Variants in BBS5 observed in about 807,000 individuals in gnomAD.
The protein encoded by BBS5 is Bardet-Biedl syndrome 5.
In BBS5, 39 loss-of-function variants were observed where a neutral mutation model predicts 50.2. That is an observed-to-expected ratio of 0.78 (90% CI 0.60 to 1.01). The LOEUF (loss-of-function observed/expected upper bound fraction) is 1.01. Among genes scored for constraint, BBS5 ranks in the 50% least tolerant of loss-of-function variants. The pLI is 0.00. For missense variants in BBS5, 356 were observed against 401.5 expected (o/e 0.89, Z 0.97); for synonymous variants, 134 against 133.1 (o/e 1.01, Z -0.05).
At chr2:169,489,793 C>T (rs1329654817) in intron 5 of BBS5, among the ~76,000 whole-genome samples, 1 of 145,954 alleles carries the variant, frequency 6.9e-6, no homozygotes, top group Non-Finnish European at 1.5e-5. Flanking sequence ...CTTGTATTTA[C>T]CAGTGAGGTT....
At position 169,504,634 on chromosome 2, in the gene BBS5, T is replaced by C. The variant is rs1683869043; in HGVS notation, c.*52T>C. The stretch of plus-strand genomic sequence containing the variant: ...ATTAAAGATATCTCTAGTTTAAAGA[T>C]ACTAGTCACCTGCCATAAGTCATGG... On this transcript the variant is annotated 3_prime_UTR_variant, in exon 12 of 12. Transcript: ENST00000295240. 1.0e-5 allele frequency: 14 copies of C among 1,346,968 alleles called. No individual in the cohort carries two copies. The highest frequency in any genetic ancestry group is 1.5e-5 in the Non-Finnish European group (14 of 936,428). 83.4% of individuals were successfully genotyped at this position (1,346,968 alleles called of 1,614,324 possible). A position where few individuals can be genotyped will look rare whatever the true frequency, so the allele number is the denominator to read the frequency against.
At chr2:169,484,005 C>T (rs563493706) in intron 2 of BBS5, among the ~76,000 whole-genome samples, 14 of 152,258 alleles carry the variant, frequency 9.2e-5, no homozygotes, top group African/African-American at 2.4e-4. Flanking sequence ...ATTCATTGAG[C>T]GCAGAATCCT....
rs1192870285 is a variant in BBS5 at position 169,479,550 on chromosome 2, CA to C, written c.-3del. On this transcript the variant is annotated 5_prime_UTR_variant, in exon 1 of 12. Transcript: ENST00000295240. ...GAGAGATCCTGCCACGGGCCTTGTT[CA>C]CCATGTCGGTGCTGGATGCGCTTTG... is the stretch of plus-strand genomic sequence containing the variant. 3.1e-6 allele frequency: 5 copies of C among 1,614,050 alleles called. No homozygotes were observed. The African/African-American group carries it at 6.7e-5, about 22-fold the overall frequency.
intron 9 of BBS5, among the ~76,000 whole-genome samples, chr2:169,502,480 T>G (rs1251119473): frequency 6.6e-6 from 1 of 152,206 alleles, no homozygotes; most frequent in Admixed American, 6.5e-5. Flanking sequence ...AAATGGCAGT[T>G]TCTTTTGGTT....
In BBS5 at chr2:169,505,294, T is replaced by A. The variant is rs896654857; in HGVS notation, c.*712T>A. 2.6e-6 allele frequency: 1 copy of A among 388,368 alleles called. No homozygotes were observed. Among genetic ancestry groups the A allele is most frequent in the African/African-American group, 2.1e-5 (1 of 47,634 alleles). The allele number at this position is 388,368 out of a possible 1,614,324, so 24.1% of individuals were successfully genotyped here. ...CAGGCTGGAGTGCAGTGGCGTGATC[T>A]CCGCTCGCTACAACCTCCACCTCCC... On this transcript the variant is annotated 3_prime_UTR_variant, in exon 12 of 12. Transcript: ENST00000295240.
rs568360832 is a variant in BBS5 at position 169,506,442 on chromosome 2, T to G, written c.*1860T>G. The G allele has an allele frequency of 1.2e-3, 210 of 170,616 alleles. 2 individuals are homozygous for G. The highest frequency in any genetic ancestry group is 6.6e-3 in the South Asian group (37 of 5,574). 10.6% of individuals were successfully genotyped at this position (170,616 alleles called of 1,614,324 possible). ...AGAAGTAGACATGGGAGACTTTTCA[T>G]TTTGTTCTGTACTAAGAAAAATTCT... is the stretch of plus-strand genomic sequence containing the variant. On this transcript the variant is annotated 3_prime_UTR_variant, in exon 12 of 12. Coordinates refer to ENST00000295240, the MANE Select transcript of BBS5 (RefSeq NM_152384.3).
In BBS5 at chr2:169,493,789, G is replaced by T. The variant is rs1193387720; in HGVS notation, c.571G>T (p.Ala191Ser). 5.6e-6 allele frequency: 9 copies of T among 1,612,894 alleles called. No homozygotes were observed. In the African/African-American group the frequency reaches 1.2e-4, roughly 22 times the overall value. Residue 191 changes from alanine to serine, a missense_variant, in exon 7 of 12, where the codon GCA becomes TCA. Physicochemically the swap from Ala to Ser is moderately conservative, Grantham distance 99. Coordinates refer to ENST00000295240, the MANE Select transcript of BBS5 (RefSeq NM_152384.3). ...TACCAATGTGAGAATTGTGTGGCATGCAAATATGAATGATAGTTTTAATGT... is the reference window on the plus strand; with the variant it reads ...TACCAATGTGAGAATTGTGTGGCATTCAAATATGAATGATAGTTTTAATGT... ...FITNVRIVWHANMNDSFNVSI... is the reference protein window; with the variant it reads ...FITNVRIVWHSNMNDSFNVSI...
intron 9 of BBS5, among the ~76,000 whole-genome samples, chr2:169,501,288 T>C (rs1683796238): frequency 1.3e-5 from 2 of 152,244 alleles, no homozygotes; most frequent in Admixed American, 1.3e-4. Flanking sequence ...CTTTCAGTCA[T>C]ACCAGTCTCT....
chr2:169,492,728 T>G, intron 5 of BBS5, 146 bp from the exon 6 acceptor site: 1 of 799,346 alleles, frequency 1.3e-6, no homozygotes. Flanking sequence ...GAACAATTTT[T>G]AAAAAGAAAT....
At chr2:169,486,429 T>C (rs1462377838) in intron 2 of BBS5, among the ~76,000 whole-genome samples, 1 of 152,184 alleles carries the variant, frequency 6.6e-6, no homozygotes, top group Non-Finnish European at 1.5e-5. Flanking sequence ...CAGTAAGAGA[T>C]CACTATTGTA....
intron 7 of BBS5, among the ~76,000 whole-genome samples, chr2:169,495,299 ATTGCATTACATTAATGTGTTATAGC>A (rs1683673490): frequency 1.3e-5 from 2 of 152,190 alleles, no homozygotes; most frequent in South Asian, 4.1e-4. Flanking sequence ...GCTTTTTTAT[ATTGCATTACATTAATGTGTTATAGC>A]TTGCCTAACC....
chr2:169,492,741 A>C lies in BBS5; in HGVS notation c.387-133A>C. 6.9e-6 allele frequency: 6 copies of C among 867,418 alleles called. No homozygotes were observed. The South Asian group carries it at 1.1e-4, about 16-fold the overall frequency. 53.7% of individuals were successfully genotyped at this position (867,418 alleles called of 1,614,324 possible). A position where few individuals can be genotyped will look rare whatever the true frequency, so the allele number is the denominator to read the frequency against. On this transcript the variant is annotated intron_variant, in intron 5 of 11. Transcript: ENST00000295240. ...AAGAACAATTTTTAAAAAGAAATAA[A>C]AATATTAAAATGTATCATAATTATT...
chr2:169,482,745 C>G (rs959324825), intron 2 of BBS5: 1 of 229,730 alleles, frequency 4.4e-6, no homozygotes, highest in Non-Finnish European at 8.6e-6. Context: ...TGGTTGTCAC[C>G]TAGACATGGA....
At chr2:169,494,788 CATGAGATTATCCT>C (rs1276244262) in intron 7 of BBS5, among the ~76,000 whole-genome samples, 1 of 152,146 alleles carries the variant, frequency 6.6e-6, no homozygotes, top group East Asian at 1.9e-4. Flanking sequence ...ATGAAAATCC[CATGAGATTATCCT>C]ATGATAATTG....
Position 169,499,826 on chromosome 2 carries a change from C to A in BBS5, c.816+206C>A, listed in dbSNP as rs1187980755. Among the ~76,000 whole-genome samples the A allele has an allele frequency of 2.6e-5, 4 of 152,214 alleles. No homozygotes were observed. In the East Asian group the frequency reaches 7.7e-4, roughly 29 times the overall value. ...CTAAGTGGCTGCTTCATCATTCATT[C>A]CTGCCCCGCATACCTGCCCTTGTAG... On this transcript the variant is annotated intron_variant, in intron 9 of 11. Transcript: ENST00000295240.
At chr2:169,502,679 T>C (rs1415631835) in intron 9 of BBS5, among the ~76,000 whole-genome samples, 1 of 152,248 alleles carries the variant, frequency 6.6e-6, no homozygotes, top group African/African-American at 2.4e-5. Flanking sequence ...CTACATTTTA[T>C]TCTTTACCTT....
chr2:169,482,187 C>T (rs1309380704), intron 1 of BBS5, 64 bp from the exon 2 acceptor site: 1 of 1,003,420 alleles, frequency 1.0e-6, no homozygotes, highest in African/African-American at 1.6e-5. Context: ...CTCTTTTCTC[C>T]CTAAATAGAT....
rs1187560171 is a variant in BBS5 at position 169,506,018 on chromosome 2, C to T, written c.*1436C>T. ...GGAGGGAGGTGGGGGATCAGCCCCC[C>T]GCCCGGCTAGCCGCCCCGTCCGGGA... On this transcript the variant is annotated 3_prime_UTR_variant, in exon 12 of 12. Transcript: ENST00000295240. 8 of 142,100 alleles carry T rather than the reference C, an allele frequency of 5.6e-5. No homozygotes were observed. Among genetic ancestry groups the T allele is most frequent in the East Asian group, 4.5e-4 (2 of 4,468 alleles). The allele number at this position is 142,100 out of a possible 1,614,324, so 8.8% of individuals were successfully genotyped here. A position where few individuals can be genotyped will look rare whatever the true frequency, so the allele number is the denominator to read the frequency against.
At chr2:169,479,779 A>C (rs542477762) in intron 1 of BBS5, among the ~76,000 whole-genome samples, 167 bp downstream of exon 1, 1 of 152,354 alleles carries the variant, frequency 6.6e-6, no homozygotes, top group Non-Finnish European at 1.5e-5. Context: ...TGGTTGGGCC[A>C]CTGTGGCCCT....
Sources: gnomAD v4.1 joint callset for allele counts (sites outside exome capture counted in the v4.1 genomes callset) on GRCh38, gnomAD v4.1.1 for gene constraint, MANE v1.5 for transcripts, NCBI Gene and HGNC (gene_info 2026-07-23, HGNC 2026-07-21) for gene names.